Variants in GPAT4 observed in about 807,000 individuals in gnomAD.
The protein encoded by GPAT4 is 1-AGP acyltransferase 6.
Under a neutral mutation model 58.0 loss-of-function variants are expected in GPAT4, and 17 were observed. That is an observed-to-expected ratio of 0.29 (90% CI 0.20 to 0.44). The LOEUF (loss-of-function observed/expected upper bound fraction) is 0.44, where lower values mean the gene tolerates loss of function less well. GPAT4 is among the 20% of genes least tolerant of loss of function. The pLI is 1.00. For missense variants in GPAT4, 377 were observed against 574.5 expected, an observed-to-expected ratio of 0.66 and a Z score of 3.51; for synonymous variants, 204 against 210.1, an observed-to-expected ratio of 0.97 and a Z score of 0.25.
At chr8:41,618,629 C>T (rs1488690527) in intron 10 of GPAT4, 55 bp from the exon 11 acceptor site, 5 of 1,604,066 alleles carry the variant, frequency 3.1e-6, no homozygotes, top group East Asian at 4.5e-5. Flanking sequence ...ACTGTGGACT[C>T]GCAAACGTTG....
At position 41,581,946 on chromosome 8, in the gene GPAT4, T is replaced by TAAA. The variant is rs536635092; in HGVS notation, c.-849+3678_-849+3680dup. On this transcript the variant is annotated intron_variant, in intron 1 of 12. Coordinates refer to ENST00000396987, the MANE Select transcript of GPAT4 (RefSeq NM_178819.4). Reference sequence around the variant, plus strand: ...TCGCACCCGGCCGACTTGTTTGAATTAAAAAAAAAAAATGATCAGGAAGCT... The same window carrying TAAA: ...TCGCACCCGGCCGACTTGTTTGAATTAAAAAAAAAAAAAAATGATCAGGAAGCT... Among the ~76,000 whole-genome samples, 797 of 126,428 alleles carry TAAA rather than the reference T, an allele frequency of 6.3e-3. 9 individuals are homozygous for TAAA. The highest frequency in any genetic ancestry group is 0.02 in the African/African-American group (701 of 34,388). The allele number at this position is 126,428 out of a possible 152,430, so 82.9% of individuals were successfully genotyped here. A position where few individuals can be genotyped will look rare whatever the true frequency, so the allele number is the denominator to read the frequency against.
intron 2 of GPAT4, among the ~76,000 whole-genome samples, chr8:41,608,518 G>A (rs1371364481): frequency 6.6e-6 from 1 of 152,226 alleles, no homozygotes; most frequent in Admixed American, 6.5e-5. Flanking sequence ...GAGAGAACCA[G>A]CCCCTGGCTG....
chr8:41,605,762 G>A (rs1803246172), intron 2 of GPAT4, among the ~76,000 whole-genome samples: 1 of 152,132 alleles, frequency 6.6e-6, no homozygotes, highest in Non-Finnish European at 1.5e-5. Context: ...AGTAGAGATG[G>A]GGTTTTGCCA....
intron 1 of GPAT4, among the ~76,000 whole-genome samples, chr8:41,585,706 G>C (rs1314154526): frequency 1.3e-5 from 2 of 152,248 alleles, no homozygotes; most frequent in Non-Finnish European, 2.9e-5. Context: ...ACAGCCAGAA[G>C]GTAGGGGAGG....
intron 1 of GPAT4, among the ~76,000 whole-genome samples, chr8:41,581,144 C>T (rs1025678541): frequency 6.6e-6 from 1 of 152,204 alleles, no homozygotes; most frequent in African/African-American, 2.4e-5. Context: ...TTCCATGTAT[C>T]ACTAAACCAT....
In GPAT4 at chr8:41,623,089, G is replaced by C. The variant is rs558052760; in HGVS notation, c.*2088G>C. The C allele has an allele frequency of 2.0e-5, 3 of 152,192 alleles. No individual in the cohort carries two copies. The highest frequency in any genetic ancestry group is 7.2e-5 in the African/African-American group (3 of 41,444). The allele number at this position is 152,192 out of a possible 1,614,324, so 9.4% of individuals were successfully genotyped here. On this transcript the variant is annotated 3_prime_UTR_variant, in exon 13 of 13. Transcript: ENST00000396987. ...AGCACAGCTGTCTGCGGCCCCTGCC[G>C]GCAGGTGTGGCCGCACCTGGTGTGA...
At chr8:41,591,762 C>T (rs1162592228) in intron 1 of GPAT4, among the ~76,000 whole-genome samples, 1 of 152,202 alleles carries the variant, frequency 6.6e-6, no homozygotes, top group Non-Finnish European at 1.5e-5. Context: ...CCAGTTTTGT[C>T]ATATCTCTGT....
intron 1 of GPAT4, among the ~76,000 whole-genome samples, chr8:41,596,172 A>G (rs1802926161): frequency 6.6e-6 from 1 of 152,118 alleles, no homozygotes; most frequent in Non-Finnish European, 1.5e-5. Flanking sequence ...TCCTTTCTTG[A>G]AAATTTTCAA....
chr8:41,618,618 C>A (rs1266581171), intron 10 of GPAT4, 66 bp from the exon 11 acceptor site: 8 of 1,587,344 alleles, frequency 5.0e-6, no homozygotes, highest in African/African-American at 1.3e-5. Flanking sequence ...TCACAGCAGT[C>A]ACTGTGGACT....
chr8:41,605,898 G>T (rs968749912), intron 2 of GPAT4, among the ~76,000 whole-genome samples: 4 of 152,162 alleles, frequency 2.6e-5, no homozygotes, highest in Non-Finnish European at 5.9e-5. Context: ...ACAAGAAAGT[G>T]ACGTGGCTGG....
At chr8:41,609,091 G>A (rs998331614) in intron 2 of GPAT4, among the ~76,000 whole-genome samples, 11 of 152,252 alleles carry the variant, frequency 7.2e-5, no homozygotes, top group South Asian at 6.2e-4. Flanking sequence ...AGGAGGAATC[G>A]TGAGGTCTGT....
rs1413549737 is a variant in GPAT4 at position 41,618,737 on chromosome 8, G to A, written c.1107G>A (p.Val369=). Residue 369 remains valine (V), a synonymous_variant, in exon 11 of 13, where the codon GTG becomes GTA. Transcript: ENST00000396987. ...GGAACAGCAGCAAATACGGGATGGT[G>A]ACGTACCTGCTGCGAATGATGACCA... ...AFWNSSKYGM[V]TYLLRMMTSW... The A allele has an allele frequency of 3.7e-6, 6 of 1,614,236 alleles. No homozygotes were observed. The highest frequency in any genetic ancestry group is 1.7e-5 in the Admixed American group (1 of 60,024).
chr8:41,600,855 T>C (rs991829594), intron 2 of GPAT4, among the ~76,000 whole-genome samples: 1 of 152,208 alleles, frequency 6.6e-6, no homozygotes, highest in Non-Finnish European at 1.5e-5. Flanking sequence ...ATACCAAATA[T>C]GCCCTTTTGT....
intron 8 of GPAT4, 151 bp downstream of exon 8, chr8:41,613,111 A>C: frequency 3.0e-6 from 2 of 670,822 alleles, no homozygotes; most frequent in Non-Finnish European, 4.7e-6. Context: ...GAAATTTTAA[A>C]AGTGGCCGGG....
At chr8:41,609,547 C>T in intron 3 of GPAT4, 62 bp downstream of exon 3, 2 of 1,603,762 alleles carry the variant, frequency 1.2e-6, no homozygotes, top group Non-Finnish European at 1.7e-6. Flanking sequence ...CCCAGTGCTT[C>T]TGGTGCCACA....
chr8:41,590,961 A>G (rs906696176), intron 1 of GPAT4, among the ~76,000 whole-genome samples: 2 of 152,182 alleles, frequency 1.3e-5, no homozygotes, highest in African/African-American at 4.8e-5. Context: ...AGCCATAGTC[A>G]AGAACCCCTC....
chr8:41,611,936 A>C lies in GPAT4; in HGVS notation c.645A>C (p.Leu215Phe). 3 of 1,614,168 alleles carry C rather than the reference A, an allele frequency of 1.9e-6. No individual in the cohort carries two copies. The South Asian group carries it at 3.3e-5, about 18-fold the overall frequency. Residue 215 changes from leucine to phenylalanine, a missense_variant, in exon 6 of 13, where the codon TTA (leucine) becomes TTC (phenylalanine). Transcript: ENST00000396987. Reference sequence around the variant, plus strand: ...AGTTCATGAGTAAACATGTTCACTTAATGTGTTACCGGATCTGCGTGCGAG... The same window carrying C: ...AGTTCATGAGTAAACATGTTCACTTCATGTGTTACCGGATCTGCGTGCGAG... ...FKEFMSKHVH[L>F]MCYRICVRAL...
intron 10 of GPAT4, among the ~76,000 whole-genome samples, chr8:41,618,222 GAA>G (rs996593880): frequency 6.6e-6 from 1 of 152,182 alleles, no homozygotes; most frequent in African/African-American, 2.4e-5. Flanking sequence ...GTTTGTGTAA[GAA>G]AATATCTTTA....
intron 2 of GPAT4, among the ~76,000 whole-genome samples, chr8:41,605,193 A>AT (rs1284109306): frequency 6.6e-6 from 1 of 152,236 alleles, no homozygotes; most frequent in Non-Finnish European, 1.5e-5. Context: ...TGAAATGCAC[A>AT]TAGGGGTAAG....
Sources: gnomAD v4.1 joint callset for allele counts (sites outside exome capture counted in the v4.1 genomes callset) on GRCh38, gnomAD v4.1.1 for gene constraint, MANE v1.5 for transcripts, NCBI Gene and HGNC (gene_info 2026-07-23, HGNC 2026-07-21) for gene names.